The following ZBTB37 variants were observed in gnomAD, a reference collection of about 807,000 sequenced individuals.
ZBTB37 encodes the protein zinc finger and BTB domain containing 37.
A neutral mutation model predicts 37.7 loss-of-function variants in ZBTB37; 15 were observed. That is an observed-to-expected ratio of 0.40 (90% confidence interval 0.27 to 0.61). The LOEUF (loss-of-function observed/expected upper bound fraction) is 0.61, where lower values mean the gene tolerates loss of function less well. Ranked by LOEUF, ZBTB37 falls within the 20% of genes least tolerant of loss-of-function variation. The pLI, the probability that ZBTB37 is intolerant of heterozygous loss-of-function variation, is 0.44. For synonymous variants in ZBTB37, 231 were observed against 220.6 expected (o/e 1.05, Z -0.42); for missense variants, 514 against 641.9 (o/e 0.80, Z 2.15).
intron 4 of ZBTB37, among the ~76,000 whole-genome samples, chr1:173,882,237 CTTTTTTTTTTT>C (rs1160364347): frequency 1.3e-4 from 11 of 87,948 alleles, no homozygotes; most frequent in African/African-American, 3.8e-4. Flanking sequence ...ATGGTAGTTT[CTTTTTTTTTTT>C]TTTTTTTTTT....
At chr1:173,897,740 C>T (rs1657104352) in exon 4 of ZBTB37, 2 of 152,208 alleles carry the variant, frequency 1.3e-5, no homozygotes, top group African/African-American at 4.8e-5. Flanking sequence ...CCACTGTCTA[C>T]CCCATTCTTC....
exon 3 of ZBTB37, chr1:173,870,930 T>C: frequency 6.2e-7 from 1 of 1,614,196 alleles, no homozygotes; most frequent in Non-Finnish European, 8.5e-7. Context: ...GGAGTGATGA[T>C]GAAGTTAGAG....
intron 4 of ZBTB37, among the ~76,000 whole-genome samples, chr1:173,879,375 G>A (rs769311591): frequency 2.0e-5 from 3 of 152,138 alleles, no homozygotes; most frequent in Non-Finnish European, 2.9e-5. Flanking sequence ...AATTAAATAT[G>A]TATATGCGTG....
chr1:173,880,701 T>G (rs762631666), intron 4 of ZBTB37, among the ~76,000 whole-genome samples: 3 of 151,200 alleles, frequency 2.0e-5, no homozygotes, highest in South Asian at 2.1e-4. Context: ...TGCCTTTGCT[T>G]CTTTTTAAGT....
exon 4 of ZBTB37, chr1:173,892,934 G>C (rs1458082343): frequency 6.6e-6 from 1 of 152,178 alleles, no homozygotes; most frequent in Non-Finnish European, 1.5e-5. Context: ...ACAGAGTCTT[G>C]GTCTGTCTTC....
chr1:173,876,830 G>A (rs944028659), intron 4 of ZBTB37, among the ~76,000 whole-genome samples: 19 of 152,116 alleles, frequency 1.2e-4, no homozygotes, highest in Admixed American at 5.9e-4. Context: ...AGATATAGGC[G>A]TGTGTCACTA....
At chr1:173,892,837 C>T (rs1362020615) in exon 4 of ZBTB37, 2 of 152,116 alleles carry the variant, frequency 1.3e-5, no homozygotes, top group African/African-American at 4.8e-5. Flanking sequence ...CTATTGCCTG[C>T]GTCTTTCATG....
intron 3 of ZBTB37, among the ~76,000 whole-genome samples, chr1:173,873,161 C>T (rs775187850): frequency 6.6e-5 from 10 of 151,982 alleles, no homozygotes; most frequent in African/African-American, 2.2e-4. Context: ...TTATAGGCCC[C>T]GTTTTAATTT....
downstream of ZBTB37, chr1:173,890,055 G>C (rs1347219760): frequency 6.6e-6 from 1 of 152,078 alleles, no homozygotes; most frequent in African/African-American, 2.4e-5. Flanking sequence ...TTAAAGGCAG[G>C]GTCTCACTAT....
rs375048638 is a variant in ZBTB37 at position 173,885,076 on chromosome 1, G to A, written c.1024-560G>A. Among the ~76,000 whole-genome samples the A allele has an allele frequency of 1.8e-3, 274 of 152,200 alleles. 1 individual carries two copies. Among genetic ancestry groups the A allele is most frequent in the African/African-American group, 6.2e-3 (259 of 41,530 alleles). ...TGGCAAAGCCTCGTCTCTGCAAAAA[G>A]TACAAAAATTATCTGGGAGTGGTGG... On this transcript the variant is annotated intron_variant, in intron 4 of 4. Coordinates refer to ENST00000427304, the Ensembl canonical transcript of ZBTB37.
At chr1:173,883,505 A>AT (rs1656452281) in intron 4 of ZBTB37, among the ~76,000 whole-genome samples, 1 of 152,182 alleles carries the variant, frequency 6.6e-6, no homozygotes, top group South Asian at 2.1e-4. Flanking sequence ...ATCATGTTCA[A>AT]TTCTCGTGAG....
chr1:173,871,058 C>T (rs1170263181), exon 3 of ZBTB37: 2 of 1,614,180 alleles, frequency 1.2e-6, no homozygotes, highest in East Asian at 2.2e-5. Flanking sequence ...GTGATTGATA[C>T]CACAGGCCAT....
chr1:173,870,240 G>A, exon 3 of ZBTB37: 1 of 1,611,640 alleles, frequency 6.2e-7, no homozygotes, highest in Non-Finnish European at 8.5e-7. Flanking sequence ...AGAAAGGTGG[G>A]AACATACAAT....
At chr1:173,882,304 C>T (rs1442023622) in intron 4 of ZBTB37, among the ~76,000 whole-genome samples, 2 of 139,042 alleles carry the variant, frequency 1.4e-5, no homozygotes, top group Non-Finnish European at 3.0e-5. Context: ...TGCAGTGGCG[C>T]AATCTCTGCT....
intron 4 of ZBTB37, 85 bp from the exon 5 acceptor site, chr1:173,885,551 A>G (rs767918007): frequency 3.3e-5 from 39 of 1,167,060 alleles, no homozygotes; most frequent in Non-Finnish European, 4.7e-5. Flanking sequence ...TATCTTAGTA[A>G]CAAGTAAAAA....
At chr1:173,874,981 AAG>A (rs1202693334) in intron 4 of ZBTB37, among the ~76,000 whole-genome samples, 1 of 152,084 alleles carries the variant, frequency 6.6e-6, no homozygotes, top group African/African-American at 2.4e-5. Flanking sequence ...AAATATAAAA[AAG>A]TAAGATTGTG....
downstream of ZBTB37, chr1:173,886,984 C>G (rs910153398): frequency 7.9e-5 from 12 of 152,116 alleles, no homozygotes; most frequent in African/African-American, 2.9e-4. Flanking sequence ...GGTAATGGCT[C>G]TAGTTCAGGT....
intron 4 of ZBTB37, among the ~76,000 whole-genome samples, chr1:173,876,842 T>C (rs1304085524): frequency 1.3e-5 from 2 of 152,166 alleles, no homozygotes; most frequent in Non-Finnish European, 2.9e-5. Flanking sequence ...GTGTCACTAA[T>C]TGACAGTATA....
downstream of ZBTB37, chr1:173,888,682 G>C (rs1008270077): frequency 1.3e-5 from 2 of 151,992 alleles, no homozygotes; most frequent in Non-Finnish European, 2.9e-5. Flanking sequence ...CTACCACCTT[G>C]ACCTCCCGAA....
Sources: allele counts gnomAD v4.1 joint callset (sites outside exome capture counted in the v4.1 genomes callset), GRCh38; gene constraint gnomAD v4.1.1; transcripts MANE v1.5; gene names NCBI Gene and HGNC (gene_info 2026-07-23, HGNC 2026-07-21).